Variants in MYO3A observed in about 807,000 individuals in gnomAD.
MYO3A encodes the protein myosin-IIIa.
Under a neutral mutation model 192.7 loss-of-function variants are expected in MYO3A, and 180 were observed. That is an observed-to-expected ratio of 0.93 (90% confidence interval 0.83 to 1.06). The LOEUF (loss-of-function observed/expected upper bound fraction) is 1.06. Among genes scored for constraint, MYO3A ranks in the 50% least tolerant of loss-of-function variants. The probability of loss-of-function intolerance (pLI) is 0.00; values close to 1 mark genes in which losing one functional copy is unlikely to be tolerated. For synonymous variants in MYO3A, 628 were observed against 645.3 expected, an observed-to-expected ratio of 0.97 and a Z score of 0.41; for missense variants, 1,896 against 1,905.0, an observed-to-expected ratio of 1.00 and a Z score of 0.09.
rs745816212 is a variant in MYO3A, at chr10:26,193,319, G to C, written c.4545+8G>C. Reference sequence around the variant, plus strand: ...TACTATTATCTACTTCATGTAAGTGGCTCACTCTTACTATCAGATGGGAGC... The same window carrying C: ...TACTATTATCTACTTCATGTAAGTGCCTCACTCTTACTATCAGATGGGAGC... On this transcript the variant is annotated splice_region_variant and intron_variant, in intron 32 of 34. Coordinates refer to ENST00000642920, the MANE Select transcript of MYO3A (RefSeq NM_017433.5). The C allele has an allele frequency of 2.5e-6, 4 of 1,595,602 alleles. 1 individual carries two copies. In the East Asian group the frequency reaches 8.9e-5, roughly 36 times the overall value.
chr10:25,937,415 A>T (rs1836159584), intron 2 of MYO3A, among the ~76,000 whole-genome samples: 2 of 152,222 alleles, frequency 1.3e-5, no homozygotes, highest in African/African-American at 2.4e-5. Context: ...CAATAGCTTA[A>T]CTGTCATCCT....
chr10:26,022,421 C>T (rs1842353835), intron 8 of MYO3A: 1 of 152,144 alleles, frequency 6.6e-6, no homozygotes, highest in Non-Finnish European at 1.5e-5. Flanking sequence ...CCTGTGGTGA[C>T]AGGGTTCCAA....
At chr10:26,194,254 T>C (rs11014993) in intron 32 of MYO3A, among the ~76,000 whole-genome samples, 35,785 of 152,040 alleles carry the variant, frequency 0.24, 4,288 homozygotes, top group South Asian at 0.3. Flanking sequence ...AGCATGCTCC[T>C]CCCTTAATTG....
At chr10:25,958,261 A>G (rs1837690831) in intron 4 of MYO3A, among the ~76,000 whole-genome samples, 1 of 152,012 alleles carries the variant, frequency 6.6e-6, no homozygotes, top group Non-Finnish European at 1.5e-5. Context: ...TTGAGTTGAT[A>G]TTTGTATATA....
chr10:26,073,606 G>A (rs1835349270), intron 14 of MYO3A, among the ~76,000 whole-genome samples: 2 of 90,698 alleles, frequency 2.2e-5, no homozygotes, highest in South Asian at 7.4e-4. Context: ...ACTCCAGCCT[G>A]GGCAACAGTG....
rs188986279 is a variant in MYO3A at position 26,147,691 on chromosome 10, A to C, written c.2635+132A>C. On this transcript the variant is annotated intron_variant, in intron 23 of 34. Coordinates refer to ENST00000642920, the MANE Select transcript of MYO3A (RefSeq NM_017433.5). ...TCGGCTCACTAAATATTCATTTGTT[A>C]ATATCCTCTGCCCCAGATCATCTGA... The C allele has an allele frequency of 3.8e-6, 5 of 1,318,574 alleles. No homozygotes were observed. In the East Asian group the frequency reaches 1.2e-4, roughly 32 times the overall value. 81.7% of individuals were successfully genotyped at this position (1,318,574 alleles called of 1,614,324 possible). A position where few individuals can be genotyped will look rare whatever the true frequency, so the allele number is the denominator to read the frequency against.
chr10:25,984,439 A>G (rs1413185904), intron 4 of MYO3A, among the ~76,000 whole-genome samples: 1 of 152,132 alleles, frequency 6.6e-6, no homozygotes, highest in East Asian at 1.9e-4. Context: ...TACATAAATA[A>G]CACACCTGGT....
chr10:25,954,792 G>T (rs1402771137), intron 3 of MYO3A, 82 bp from the exon 4 acceptor site: 4 of 1,404,462 alleles, frequency 2.8e-6, no homozygotes, highest in Non-Finnish European at 4.0e-6. Context: ...ATGAAATTCT[G>T]TATTTGGTAT....
In MYO3A at chr10:25,983,325, G is replaced by A. The variant is rs539991726; in HGVS notation, c.304-13165G>A. 6.0e-5 allele frequency among the ~76,000 whole-genome samples: 9 copies of A among 151,168 alleles called. No homozygotes were observed. The East Asian group carries it at 7.8e-4, about 13-fold the overall frequency. The stretch of plus-strand genomic sequence containing the variant: ...GGCTGGAGTGCAGTGGTGCGATCTC[G>A]GCTCACTGCAAGCTCCGCCTCCCGG... On this transcript the variant is annotated intron_variant, in intron 4 of 34. Transcript: ENST00000642920.
At chr10:26,141,917 C>G in intron 20 of MYO3A, among the ~76,000 whole-genome samples, 1 of 152,098 alleles carries the variant, frequency 6.6e-6, no homozygotes, top group East Asian at 1.9e-4. Context: ...AGGCCCCTAC[C>G]ATAGTGACTA....
chr10:26,160,144 A>T (rs1841411046), intron 26 of MYO3A, among the ~76,000 whole-genome samples: 1 of 152,160 alleles, frequency 6.6e-6, no homozygotes, highest in East Asian at 1.9e-4. Context: ...TAATATAAGT[A>T]CTCTTAAATT....
At chr10:25,950,650 T>A (rs892497495) in intron 2 of MYO3A, among the ~76,000 whole-genome samples, 15 of 151,742 alleles carry the variant, frequency 9.9e-5, no homozygotes, top group Admixed American at 9.9e-4. Flanking sequence ...GGAACAAGAG[T>A]GTTTAGGGCC....
intron 2 of MYO3A, among the ~76,000 whole-genome samples, chr10:25,937,288 C>G (rs978372034): frequency 2.0e-5 from 3 of 152,200 alleles, no homozygotes; most frequent in African/African-American, 7.2e-5. Flanking sequence ...TTTATTTCAT[C>G]AAGTCCTGCT....
At chr10:26,021,363 C>T (rs1842291012) in intron 7 of MYO3A, 140 bp from the exon 8 acceptor site, 1 of 970,910 alleles carries the variant, frequency 1.0e-6, no homozygotes, top group Non-Finnish European at 1.6e-6. Context: ...TTTTATTCTC[C>T]TCCTAAGTTA....
chr10:25,968,856 A>G (rs10047328), intron 4 of MYO3A, among the ~76,000 whole-genome samples: 6,295 of 152,304 alleles, frequency 0.041, 458 homozygotes, highest in African/African-American at 0.14. Context: ...TGTATATGCT[A>G]CCTGCCTATT....
At chr10:26,069,017 CAT>C in intron 12 of MYO3A, 133 bp downstream of exon 12, 1 of 644,060 alleles carries the variant, frequency 1.6e-6, no homozygotes, top group Non-Finnish European at 2.7e-6. Context: ...TTTGTTAAAA[CAT>C]AGAACTAGGA....
chr10:26,160,996 T>C lies in MYO3A; in HGVS notation c.2999+3481T>C, dbSNP rs1589057511. Among the ~76,000 whole-genome samples the C allele has an allele frequency of 2.0e-5, 3 of 152,222 alleles. No homozygotes were observed. The South Asian group carries it at 6.2e-4, about 32-fold the overall frequency. ...TCAGAAATGAGAATAAATTCTTAAA[T>C]ATATTTGTAATTATTGTGCTATTAC... is the stretch of plus-strand genomic sequence containing the variant. On this transcript the variant is annotated intron_variant, in intron 26 of 34. Coordinates refer to ENST00000642920, the MANE Select transcript of MYO3A (RefSeq NM_017433.5).
chr10:26,165,912 A>G (rs1841718241), intron 26 of MYO3A, 155 bp from the exon 27 acceptor site: 2 of 749,728 alleles, frequency 2.7e-6, no homozygotes, highest in Non-Finnish European at 4.8e-6. Flanking sequence ...AATTTGGTCT[A>G]CTCCGAAGTT....
chr10:26,135,457 A>G (rs1589016366), intron 20 of MYO3A, among the ~76,000 whole-genome samples: 1 of 152,090 alleles, frequency 6.6e-6, no homozygotes, highest in African/African-American at 2.4e-5. Flanking sequence ...GCCAAGGAGA[A>G]TCAACATAAG....
Sources: allele counts gnomAD v4.1 joint callset (sites outside exome capture counted in the v4.1 genomes callset), GRCh38; gene constraint gnomAD v4.1.1; transcripts MANE v1.5; gene names NCBI Gene and HGNC (gene_info 2026-07-23, HGNC 2026-07-21).